Variants in ZNF555 observed in about 807,000 individuals in gnomAD.
ZNF555 encodes the protein zinc finger protein 555.
A neutral mutation model predicts 14.0 loss-of-function variants in ZNF555; 10 were observed. The observed-to-expected ratio is 0.72, with a 90% CI of 0.44 to 1.21. The LOEUF (loss-of-function observed/expected upper bound fraction) is 1.21. Among genes scored for constraint, ZNF555 ranks in the 50% most tolerant of loss-of-function variants. ZNF555 has a pLI of 0.00. For synonymous variants in ZNF555, 277 were observed against 262.4 expected, an observed-to-expected ratio of 1.06 and a Z score of -0.54; for missense variants, 747 against 762.0, an observed-to-expected ratio of 0.98 and a Z score of 0.23.
intron 1 of ZNF555, among the ~76,000 whole-genome samples, chr19:2,849,646 G>A (rs11668450): frequency 0.4 from 59,682 of 150,248 alleles, 12,371 homozygotes; most frequent in South Asian, 0.57. Context: ...CACCATGCCC[G>A]GCTAATTTTT....
rs749236536 is a variant in ZNF555, at chr19:2,852,367, T to C, written c.315-13T>C. 6 of 1,613,664 alleles carry C rather than the reference T, an allele frequency of 3.7e-6. No homozygotes were observed. Among genetic ancestry groups the C allele is most frequent in the Non-Finnish European group, 5.1e-6 (6 of 1,180,022 alleles). On this transcript the variant is annotated splice_polypyrimidine_tract_variant and intron_variant, in intron 3 of 3. Coordinates refer to ENST00000334241, the MANE Select transcript of ZNF555 (RefSeq NM_152791.5). ...ATTATTAATCAAACCAATAACATGC[T>C]TCTCATTTTTAGTAGAAATCATGGG... is the stretch of plus-strand genomic sequence containing the variant.
intron 1 of ZNF555, among the ~76,000 whole-genome samples, chr19:2,845,922 G>A (rs2087578711): frequency 6.6e-6 from 1 of 152,192 alleles, no homozygotes. Flanking sequence ...GCCAGGGTAA[G>A]TACAAAACAA....
In ZNF555 at chr19:2,853,937, G is replaced by C; in HGVS notation, c.1872G>C (p.Met624Ile). Residue 624 changes from methionine (M) to isoleucine (I), a missense_variant, in exon 4 of 4, where the codon ATG becomes ATC. Transcript: ENST00000334241. The part of the protein sequence containing the change: ...QERDLIKVVN[M>I]VLPL Reference sequence around the variant, plus strand: ...GAGATCTGATCAAAGTTGTAAATATGGTGTTGCCTTTATGAGTTCCTTATC... The same window carrying C: ...GAGATCTGATCAAAGTTGTAAATATCGTGTTGCCTTTATGAGTTCCTTATC... The C allele has an allele frequency of 6.2e-7, 1 of 1,613,634 alleles. No homozygotes were observed. The highest frequency in any genetic ancestry group is 1.1e-5 in the South Asian group (1 of 91,064).
At chr19:2,851,101 C>T (rs1302648814) in intron 2 of ZNF555, among the ~76,000 whole-genome samples, 2 of 151,122 alleles carry the variant, frequency 1.3e-5, no homozygotes, top group East Asian at 3.9e-4. Flanking sequence ...CGAGTTCAAG[C>T]AATTATCTGC....
intron 1 of ZNF555, among the ~76,000 whole-genome samples, chr19:2,847,903 A>G (rs1426517296): frequency 6.6e-6 from 1 of 152,178 alleles, no homozygotes; most frequent in Admixed American, 6.5e-5. Flanking sequence ...AGGTAAACCA[A>G]GGGGAAGCAG....
chr19:2,849,189 G>A (rs1016167281), intron 1 of ZNF555, among the ~76,000 whole-genome samples: 2 of 151,890 alleles, frequency 1.3e-5, no homozygotes, highest in Non-Finnish European at 2.9e-5. Flanking sequence ...GCTCATAGAC[G>A]GAAAGGAGTT....
In ZNF555 at chr19:2,853,987, T is replaced by C. The variant is rs764154898; in HGVS notation, c.*35T>C. 9 of 1,604,404 alleles carry C rather than the reference T, an allele frequency of 5.6e-6. No individual in the cohort carries two copies. In the Admixed American group the frequency reaches 1.4e-4, roughly 25 times the overall value. ...CCTGAAAGTGGACACTCAAGGAGTG[T>C]GTCTGTAGTTCATTTGCAAATAAAC... is the stretch of plus-strand genomic sequence containing the variant. On this transcript the variant is annotated 3_prime_UTR_variant, in exon 4 of 4. Coordinates refer to ENST00000334241, the MANE Select transcript of ZNF555 (RefSeq NM_152791.5).
At chr19:2,843,610 C>G (rs1438035149) in intron 1 of ZNF555, among the ~76,000 whole-genome samples, 1 of 152,130 alleles carries the variant, frequency 6.6e-6, no homozygotes, top group Non-Finnish European at 1.5e-5. Flanking sequence ...ATGTTATTCT[C>G]CTTGACATGG....
intron 1 of ZNF555, chr19:2,847,115 G>C (rs764394667): frequency 1.3e-5 from 2 of 152,166 alleles, no homozygotes; most frequent in Non-Finnish European, 2.9e-5. Context: ...ACAAAAAACT[G>C]ATTGAGATGA....
At chr19:2,849,002 G>T (rs904705181) in intron 1 of ZNF555, among the ~76,000 whole-genome samples, 1 of 152,134 alleles carries the variant, frequency 6.6e-6, no homozygotes, top group African/African-American at 2.4e-5. Flanking sequence ...CGGCATATGG[G>T]AACTTTATTA....
chr19:2,852,609 A>G lies in ZNF555; in HGVS notation c.544A>G (p.Ser182Gly), dbSNP rs745448143. 3.7e-6 allele frequency: 6 copies of G among 1,614,176 alleles called. No individual in the cohort carries two copies. Among genetic ancestry groups the G allele is most frequent in the Non-Finnish European group, 5.1e-6 (6 of 1,180,024 alleles). The change falls in exon 4 of 4, where the codon AGT (serine) becomes GGT (glycine). Residue 182 changes from serine (S) to glycine (G), a missense_variant. Transcript: ENST00000334241. ...GTGCCAGGAATGTGGGCAGGCCTACAGTTGTCGTTCACACCTAAGAATGCA... is the reference window on the plus strand; with the variant it reads ...GTGCCAGGAATGTGGGCAGGCCTACGGTTGTCGTTCACACCTAAGAATGCA... ...YQCQECGQAY[S>G]CRSHLRMHVR...
Position 2,853,414 on chromosome 19 carries a change from A to C in ZNF555, c.1349A>C (p.Lys450Thr), listed in dbSNP as rs1289077764. ...CATATGAGAACACATACTAGAGAGA[A>C]ACCCTATGAATGTAAGCAGTGTGGG... The part of the protein sequence containing the change: ...RKHMRTHTRE[K>T]PYECKQCGKA... Residue 450 changes from lysine to threonine, a missense_variant, in exon 4 of 4, where the codon AAA becomes ACA. Physicochemically the swap from Lys to Thr is moderately conservative, Grantham distance 78 (BLOSUM62 -1). Coordinates refer to ENST00000334241, the MANE Select transcript of ZNF555 (RefSeq NM_152791.5). 6.2e-7 allele frequency: 1 copy of C among 1,613,992 alleles called. No homozygotes were observed. Among genetic ancestry groups the C allele is most frequent in the African/African-American group, 1.3e-5 (1 of 74,916 alleles).
At position 2,851,534 on chromosome 19, in the gene ZNF555, C is replaced by T. The variant is rs1032290255; in HGVS notation, c.197C>T (p.Pro66Leu). Residue 66 changes from proline (P) to leucine (L), a missense_variant, in exon 3 of 4, where the codon CCC (proline) becomes CTC (leucine). By Grantham distance (98) the Pro-to-Leu change is moderately conservative. Transcript: ENST00000334241. ...CAGGATATTTATGGAGAGAAAATAC[C>T]CAAGGAATCTAAAATAGCCACGTTC... The part of the protein sequence containing the change: ...SQQDIYGEKI[P>L]KESKIATFTR... The T allele has an allele frequency of 1.9e-6, 3 of 1,610,114 alleles. No homozygotes were observed. The highest frequency in any genetic ancestry group is 2.5e-6 in the Non-Finnish European group (3 of 1,179,004).
Position 2,855,976 on chromosome 19 carries a change from G to C in ZNF555, c.*2024G>C, listed in dbSNP as rs747280787. 1 of 151,874 alleles carries C rather than the reference G, an allele frequency of 6.6e-6. No individual in the cohort carries two copies. The highest frequency in any genetic ancestry group is 1.5e-5 in the Non-Finnish European group (1 of 67,978). The allele number at this position is 151,874 out of a possible 1,614,324, so 9.4% of individuals were successfully genotyped here. On this transcript the variant is annotated 3_prime_UTR_variant, in exon 4 of 4. Transcript: ENST00000334241. Reference sequence around the variant, plus strand: ...CTCTCTTTTCGCATACTGAGGCACCGCGAATTAAGATTTCAACGTAAAAAT... The same window carrying C: ...CTCTCTTTTCGCATACTGAGGCACCCCGAATTAAGATTTCAACGTAAAAAT...
Position 2,858,975 on chromosome 19 carries a change from C to T in ZNF555, c.*5023C>T, listed in dbSNP as rs1475104795. ...CCAAGCTCCTCACGTGCCTCCTCCC[C>T]ACAGTCCAGGACGCGTCTTACTAAC... On this transcript the variant is annotated 3_prime_UTR_variant, in exon 4 of 4. Transcript: ENST00000334241. 1.3e-5 allele frequency: 2 copies of T among 152,596 alleles called. No individual in the cohort carries two copies. Among genetic ancestry groups the T allele is most frequent in the Non-Finnish European group, 2.9e-5 (2 of 68,298 alleles). The allele number at this position is 152,596 out of a possible 1,614,324, so 9.5% of individuals were successfully genotyped here.
chr19:2,854,021 G>T lies in ZNF555; in HGVS notation c.*69G>T. On this transcript the variant is annotated 3_prime_UTR_variant, in exon 4 of 4. Transcript: ENST00000334241. ...TTCATTTGCAAATAAACATTTAGTT[G>T]AAAAATAATTCTCCAAATACTCTCA... 1 of 1,565,060 alleles carries T rather than the reference G, an allele frequency of 6.4e-7. No individual in the cohort carries two copies.
At chr19:2,851,706 ATT>A in intron 3 of ZNF555, 55 bp downstream of exon 3, 1 of 1,388,810 alleles carries the variant, frequency 7.2e-7, no homozygotes, top group Admixed American at 2.7e-5. Context: ...TTAGTCTGTC[ATT>A]AAACTTTAAA....
Position 2,856,629 on chromosome 19 carries a change from TG to T in ZNF555, c.*2678del, listed in dbSNP as rs1199397166. ...TCAAAGAAAATTTGCTGTGTTGAGT[TG>T]AAGTTTGAACACATGATCAAGAAAG... is the stretch of plus-strand genomic sequence containing the variant. On this transcript the variant is annotated 3_prime_UTR_variant, in exon 4 of 4. Coordinates refer to ENST00000334241, the MANE Select transcript of ZNF555 (RefSeq NM_152791.5). 1 of 152,214 alleles carries T rather than the reference TG, an allele frequency of 6.6e-6. No individual in the cohort carries two copies. Among genetic ancestry groups the T allele is most frequent in the African/African-American group, 2.4e-5 (1 of 41,446 alleles). The allele number at this position is 152,214 out of a possible 1,614,324, so 9.4% of individuals were successfully genotyped here. A position where few individuals can be genotyped will look rare whatever the true frequency, so the allele number is the denominator to read the frequency against.
intron 1 of ZNF555, among the ~76,000 whole-genome samples, chr19:2,849,154 C>G (rs577268725): frequency 6.6e-6 from 1 of 152,016 alleles, no homozygotes; most frequent in African/African-American, 2.4e-5. Flanking sequence ...AGAATTGCTG[C>G]GTGACAGTAT....
Sources: allele counts gnomAD v4.1 joint callset (sites outside exome capture counted in the v4.1 genomes callset), GRCh38; gene constraint gnomAD v4.1.1; transcripts MANE v1.5; gene names NCBI Gene and HGNC (gene_info 2026-07-23, HGNC 2026-07-21).